The following NCAM2 variants were observed in gnomAD, a reference collection of about 807,000 sequenced individuals.
NCAM2 encodes neural cell adhesion molecule 2, also known as N-CAM-2.
Under a neutral mutation model 98.1 loss-of-function variants are expected in NCAM2, and 30 were observed. The ratio of observed to expected loss-of-function variants is 0.31; its 90% CI spans 0.23 to 0.41. The LOEUF (loss-of-function observed/expected upper bound fraction) is 0.41. NCAM2 is among the 10% of genes least tolerant of loss of function. The probability of loss-of-function intolerance (pLI) is 1.00; values close to 1 mark genes in which losing one functional copy is unlikely to be tolerated. For missense variants in NCAM2, 867 were observed against 1,005.8 expected, an observed-to-expected ratio of 0.86 and a Z score of 1.87; for synonymous variants, 368 against 342.4, an observed-to-expected ratio of 1.07 and a Z score of -0.83.
chr21:21,427,172 T>G (rs1602307540), intron 11 of NCAM2, among the ~76,000 whole-genome samples: 1 of 149,644 alleles, frequency 6.7e-6, no homozygotes, highest in Middle Eastern at 3.4e-3. Flanking sequence ...TGAAACAGAG[T>G]AACAAAGAAC....
At chr21:21,464,331 A>T (rs1023643538) in intron 12 of NCAM2, among the ~76,000 whole-genome samples, 1 of 152,142 alleles carries the variant, frequency 6.6e-6, no homozygotes, top group Non-Finnish European at 1.5e-5. Context: ...GTTATAGCAC[A>T]GTCTGTGTTC....
At chr21:21,485,440 A>G (rs776463513) in intron 15 of NCAM2, among the ~76,000 whole-genome samples, 26 of 152,176 alleles carry the variant, frequency 1.7e-4, no homozygotes, top group Admixed American at 1.2e-3. Flanking sequence ...AAAATATTAT[A>G]GACACTCCTT....
intron 1 of NCAM2, among the ~76,000 whole-genome samples, chr21:21,102,448 G>T (rs1331216373): frequency 1.3e-5 from 2 of 151,810 alleles, no homozygotes; most frequent in African/African-American, 4.8e-5. Flanking sequence ...ATTTTATTAA[G>T]GTTTTGGGCG....
intron 1 of NCAM2, among the ~76,000 whole-genome samples, chr21:21,082,413 G>C (rs552383201): frequency 6.6e-6 from 1 of 151,876 alleles, no homozygotes; most frequent in Non-Finnish European, 1.5e-5. Flanking sequence ...CATTGCCATA[G>C]GTGGCATTTG....
rs77213343 is a variant in NCAM2, at chr21:21,513,048, C to T, written c.2282+3993C>T. The stretch of plus-strand genomic sequence containing the variant: ...CATAAGAAGGATTATTTGACTCCTT[C>T]CTTTCCACTTTGGATACATTTTATT... On this transcript the variant is annotated intron_variant, in intron 16 of 17. Transcript: ENST00000400546. Among the ~76,000 whole-genome samples the T allele has an allele frequency of 5.3e-3, 801 of 152,132 alleles. 11 individuals carry two copies. Among genetic ancestry groups the T allele is most frequent in the Middle Eastern group, 0.031 (9 of 292 alleles).
At chr21:21,465,190 A>T (rs1983520525) in intron 12 of NCAM2, among the ~76,000 whole-genome samples, 1 of 151,986 alleles carries the variant, frequency 6.6e-6, no homozygotes, top group Non-Finnish European at 1.5e-5. Context: ...GTATTAAGTA[A>T]TTTTTATATA....
chr21:21,421,535 G>A (rs2077111582), intron 11 of NCAM2, among the ~76,000 whole-genome samples: 2 of 152,006 alleles, frequency 1.3e-5, no homozygotes, highest in South Asian at 2.1e-4. Flanking sequence ...TGGGAAACAT[G>A]CATTTAAATA....
At chr21:21,179,925 C>T (rs2068414980) in intron 1 of NCAM2, among the ~76,000 whole-genome samples, 1 of 152,214 alleles carries the variant, frequency 6.6e-6, no homozygotes, top group African/African-American at 2.4e-5. Context: ...CATTATTTCT[C>T]ATAATTCTGT....
chr21:21,095,449 CCTAT>C (rs1247786983), intron 1 of NCAM2, among the ~76,000 whole-genome samples: 5 of 150,934 alleles, frequency 3.3e-5, no homozygotes, highest in Non-Finnish European at 7.4e-5. Context: ...TAGCTAGCTA[CCTAT>C]CTTTCTATCT....
chr21:21,467,726 C>T (rs1235619508), intron 13 of NCAM2, among the ~76,000 whole-genome samples: 1 of 147,250 alleles, frequency 6.8e-6, no homozygotes, highest in Admixed American at 6.8e-5. Context: ...GTGGTATGCA[C>T]TTGTACTCCC....
chr21:21,379,331 T>C (rs1466349341), intron 9 of NCAM2, among the ~76,000 whole-genome samples: 2 of 152,084 alleles, frequency 1.3e-5, no homozygotes, highest in Non-Finnish European at 2.9e-5. Context: ...CACTTAGTTG[T>C]AGATTTTTTA....
chr21:21,074,809 T>C (rs918950435), intron 1 of NCAM2, among the ~76,000 whole-genome samples: 1 of 145,602 alleles, frequency 6.9e-6, no homozygotes, highest in Non-Finnish European at 1.5e-5. Context: ...AGGGAAACTA[T>C]GAAGGTCATG....
chr21:21,278,626 G>A (rs2072817431), intron 1 of NCAM2, among the ~76,000 whole-genome samples: 1 of 152,014 alleles, frequency 6.6e-6, no homozygotes, highest in South Asian at 2.1e-4. Flanking sequence ...CATTCTCTGA[G>A]TATTGGTAAA....
At chr21:21,306,989 C>G (rs1409102953) in intron 5 of NCAM2, among the ~76,000 whole-genome samples, 4 of 152,060 alleles carry the variant, frequency 2.6e-5, no homozygotes, top group African/African-American at 7.2e-5. Context: ...ACGTAATGAT[C>G]TGCAGTTCTA....
At chr21:21,530,204 T>C (rs1989569955) in intron 16 of NCAM2, among the ~76,000 whole-genome samples, 2 of 74,644 alleles carry the variant, frequency 2.7e-5, no homozygotes, top group African/African-American at 8.9e-5. Context: ...TTTAATTATA[T>C]ATAATTTAAT....
chr21:21,432,428 G>C, intron 12 of NCAM2, 147 bp downstream of exon 12: 2 of 692,904 alleles, frequency 2.9e-6, no homozygotes, highest in Non-Finnish European at 4.7e-6. Context: ...CATTCTTCTT[G>C]ATAATAACTC....
At chr21:21,074,394 TTTAC>T (rs1226930938) in intron 1 of NCAM2, among the ~76,000 whole-genome samples, 1 of 152,160 alleles carries the variant, frequency 6.6e-6, no homozygotes, top group Non-Finnish European at 1.5e-5. Flanking sequence ...TTATTTTACA[TTTAC>T]TTATTAATTT....
rs938135288 is a variant in NCAM2, at chr21:21,463,276, A to T, written c.1655-3330A>T. Among the ~76,000 whole-genome samples the T allele has an allele frequency of 2.0e-5, 3 of 152,022 alleles. No homozygotes were observed. In the South Asian group the frequency reaches 6.2e-4, roughly 31 times the overall value. On this transcript the variant is annotated intron_variant, in intron 12 of 17. Transcript: ENST00000400546. ...CAGATCCAGGCTTTGCCTCCTCCAA[A>T]TCTTTTCCCTCTCTCACTTTAATGT...
intron 1 of NCAM2, among the ~76,000 whole-genome samples, chr21:21,202,434 G>C (rs1450829795): frequency 7.1e-5 from 1 of 14,020 alleles, no homozygotes; most frequent in African/African-American, 2.0e-4. Context: ...TTTTTTTTCT[G>C]AGGCGGAGTT....
Sources: allele counts gnomAD v4.1 joint callset (sites outside exome capture counted in the v4.1 genomes callset), GRCh38; gene constraint gnomAD v4.1.1; transcripts MANE v1.5; gene names NCBI Gene and HGNC (gene_info 2026-07-23, HGNC 2026-07-21).